The following GRIK4 variants were observed in gnomAD, a reference collection of about 807,000 sequenced individuals.
GRIK4 encodes glutamate ionotropic receptor kainate type subunit 4.
A neutral mutation model predicts 104.9 loss-of-function variants in GRIK4; 40 were observed. The ratio of observed to expected loss-of-function variants is 0.38; its 90% CI spans 0.30 to 0.50. The LOEUF (loss-of-function observed/expected upper bound fraction) is 0.50, where lower values mean the gene tolerates loss of function less well. GRIK4 is among the 20% of genes least tolerant of loss of function. The pLI, the probability that GRIK4 is intolerant of heterozygous loss-of-function variation, is 0.93. For missense variants in GRIK4, 1,047 were observed against 1,308.1 expected (o/e 0.80, Z 3.08); for synonymous variants, 485 against 524.9 (o/e 0.92, Z 1.04).
chr11:120,881,730 T>G (rs1376218385), intron 11 of GRIK4, among the ~76,000 whole-genome samples: 1 of 152,224 alleles, frequency 6.6e-6, no homozygotes, highest in Non-Finnish European at 1.5e-5. Context: ...TCTCCTCTCC[T>G]GCCATCTTGC....
At chr11:120,885,851 G>A (rs1414049156) in intron 11 of GRIK4, among the ~76,000 whole-genome samples, 2 of 152,204 alleles carry the variant, frequency 1.3e-5, no homozygotes, top group Admixed American at 6.5e-5. Context: ...TTTAGTCAGA[G>A]CTGACTAGGG....
At chr11:120,900,883 G>T (rs1229890028) in intron 12 of GRIK4, among the ~76,000 whole-genome samples, 1 of 152,174 alleles carries the variant, frequency 6.6e-6, no homozygotes, top group African/African-American at 2.4e-5. Context: ...TCGCTGTCCA[G>T]CAGAGAGCTG....
At chr11:120,802,522 T>G (rs1035482853) in intron 3 of GRIK4, among the ~76,000 whole-genome samples, 171 bp from the exon 4 acceptor site, 2 of 152,148 alleles carry the variant, frequency 1.3e-5, no homozygotes, top group Non-Finnish European at 1.5e-5. Context: ...ACCAAGACCC[T>G]TAAGCTTGGA....
At chr11:120,592,488 G>A (rs1050697808) in intron 1 of GRIK4, among the ~76,000 whole-genome samples, 1 of 152,330 alleles carries the variant, frequency 6.6e-6, no homozygotes. Context: ...ACTGCATTCC[G>A]TTGGGCTGGA....
intron 1 of GRIK4, among the ~76,000 whole-genome samples, chr11:120,556,964 C>T (rs1948193640): frequency 1.3e-5 from 2 of 152,116 alleles, no homozygotes; most frequent in South Asian, 4.2e-4. Context: ...AGCTGCTTGC[C>T]TCCCTTTCTT....
At chr11:120,954,329 C>T (rs1944082378) in intron 15 of GRIK4, among the ~76,000 whole-genome samples, 1 of 151,972 alleles carries the variant, frequency 6.6e-6, no homozygotes, top group Admixed American at 6.6e-5. Context: ...GCTGCTTGGG[C>T]ACCACCAACC....
At chr11:120,848,471 G>A (rs1371383345) in intron 8 of GRIK4, among the ~76,000 whole-genome samples, 2 of 152,142 alleles carry the variant, frequency 1.3e-5, no homozygotes, top group Admixed American at 6.5e-5. Context: ...GTTGGGCTAG[G>A]GGAAGAGGAA....
chr11:120,654,869 C>A (rs921932175), intron 2 of GRIK4, among the ~76,000 whole-genome samples: 1 of 152,158 alleles, frequency 6.6e-6, no homozygotes, highest in South Asian at 2.1e-4. Flanking sequence ...CTGTGGCAGC[C>A]AGACCAAGCC....
chr11:120,940,519 A>T lies in GRIK4; in HGVS notation c.1590+59A>T. On this transcript the variant is annotated intron_variant, in intron 14 of 20. Coordinates refer to ENST00000527524, the MANE Select transcript of GRIK4 (RefSeq NM_014619.5). This position sits in a 1 kb window ranked among gnomAD's most constrained non-coding sequence, Gnocchi z 4.3. Reference sequence around the variant, plus strand: ...TAAAGTTATTTGCATGCAAACACTGAGTTATACGGGAATAATGAATGACTC... The same window carrying T: ...TAAAGTTATTTGCATGCAAACACTGTGTTATACGGGAATAATGAATGACTC... 1.1e-6 allele frequency: 1 copy of T among 911,812 alleles called. No individual in the cohort carries two copies. Among genetic ancestry groups the T allele is most frequent in the South Asian group, 1.4e-5 (1 of 70,052 alleles). 56.5% of individuals were successfully genotyped at this position (911,812 alleles called of 1,614,324 possible).
intron 1 of GRIK4, among the ~76,000 whole-genome samples, chr11:120,618,105 G>A (rs1275058059): frequency 6.6e-6 from 1 of 152,166 alleles, no homozygotes; most frequent in Non-Finnish European, 1.5e-5. Context: ...AACAGAGATA[G>A]CCAGGCTCTG....
intron 11 of GRIK4, among the ~76,000 whole-genome samples, chr11:120,883,195 G>A (rs2135708981): frequency 6.6e-6 from 1 of 152,278 alleles, no homozygotes; most frequent in East Asian, 1.9e-4. Flanking sequence ...CCGGGGAGGT[G>A]TGCAGGGGGC....
At position 120,815,258 on chromosome 11, in the gene GRIK4, TGGGCAGCGGGTGTGCAGAAGGTGAGG is replaced by T. The variant is rs1306894922; in HGVS notation, c.248-107_248-82del. On this transcript the variant is annotated intron_variant, in intron 4 of 20. Coordinates refer to ENST00000527524, the MANE Select transcript of GRIK4 (RefSeq NM_014619.5). ...GTTTCGAAGGGTTGGAGCAGGGGCC[TGGGCAGCGGGTGTGCAGAAGGTGAGG>T]GGGCAGCGGGTGAAGAGGAGAGGAC... 1.7e-5 allele frequency: 11 copies of T among 648,138 alleles called. No individual in the cohort carries two copies. The Admixed American group carries it at 2.1e-4, about 13-fold the overall frequency. The allele number at this position is 648,138 out of a possible 1,614,324, so 40.1% of individuals were successfully genotyped here. A position where few individuals can be genotyped will look rare whatever the true frequency, so the allele number is the denominator to read the frequency against.
chr11:120,873,917 G>A (rs552539097), intron 9 of GRIK4, 149 bp from the exon 10 acceptor site: 20 of 659,880 alleles, frequency 3.0e-5, no homozygotes, highest in African/African-American at 1.6e-4. Context: ...GAGACAGGAC[G>A]TGGGCCAAGG....
chr11:120,579,350 G>C (rs891572185), intron 1 of GRIK4, among the ~76,000 whole-genome samples: 2 of 152,132 alleles, frequency 1.3e-5, no homozygotes, highest in South Asian at 2.1e-4. Flanking sequence ...CAGCCACACA[G>C]AGTTCAGGGC....
At chr11:120,670,701 T>TTTTTTA (rs546900283) in intron 3 of GRIK4, among the ~76,000 whole-genome samples, 180 of 152,206 alleles carry the variant, frequency 1.2e-3, no homozygotes, top group Non-Finnish European at 2.3e-3. Flanking sequence ...CCTTTTTCTT[T>TTTTTTA]TTTTTATTTT....
At position 120,633,360 on chromosome 11, in the gene GRIK4, C is replaced by T. The variant is rs569860501; in HGVS notation, c.-158-20325C>T. 2.0e-5 allele frequency among the ~76,000 whole-genome samples: 3 copies of T among 152,272 alleles called. No individual in the cohort carries two copies. In the East Asian group the frequency reaches 5.8e-4, roughly 30 times the overall value. The stretch of plus-strand genomic sequence containing the variant: ...CCTTCTCGATGGGGAGCGGAGAGAG[C>T]CATTTCCTGGGATAAAGAGGACTCT... On this transcript the variant is annotated intron_variant, in intron 1 of 20. Coordinates refer to ENST00000527524, the MANE Select transcript of GRIK4 (RefSeq NM_014619.5).
chr11:120,842,368 A>G (rs1438020848), intron 8 of GRIK4, among the ~76,000 whole-genome samples: 1 of 152,212 alleles, frequency 6.6e-6, no homozygotes, highest in Non-Finnish European at 1.5e-5. Flanking sequence ...GACACGTATT[A>G]TTTCAGCTCA....
At chr11:120,965,950 T>C (rs1025461892) in intron 18 of GRIK4, among the ~76,000 whole-genome samples, 10 of 152,184 alleles carry the variant, frequency 6.6e-5, no homozygotes, top group East Asian at 1.9e-4. Context: ...TTCATGGAGT[T>C]TGAGCAAGGA....
At position 120,549,770 on chromosome 11, in the gene GRIK4, A is replaced by T. The variant is rs1265972532; in HGVS notation, c.-159+37883A>T. Among the ~76,000 whole-genome samples, 1 of 152,040 alleles carries T rather than the reference A, an allele frequency of 6.6e-6. No homozygotes were observed. Among genetic ancestry groups the T allele is most frequent in the Non-Finnish European group, 1.5e-5 (1 of 68,002 alleles). On this transcript the variant is annotated intron_variant, in intron 1 of 20. Transcript: ENST00000527524. This position sits in a 1 kb window ranked among gnomAD's most constrained non-coding sequence, Gnocchi z 4.7. ...AGACAGGGGACACAATGGAATCCTC[A>T]AGGAGGACAGAGCCCCTAGGGACCA... is the stretch of plus-strand genomic sequence containing the variant.
Sources: gnomAD v4.1 joint callset for allele counts (sites outside exome capture counted in the v4.1 genomes callset) on GRCh38, gnomAD v4.1.1 for gene constraint, Gnocchi (gnomAD v3.1) non-coding constraint, MANE v1.5 for transcripts, NCBI Gene and HGNC (gene_info 2026-07-23, HGNC 2026-07-21) for gene names.